The following YEATS2 variants were observed in gnomAD, a reference collection of about 807,000 sequenced individuals.
The protein encoded by YEATS2 is YEATS domain containing 2.
A neutral mutation model predicts 163.2 loss-of-function variants in YEATS2; 77 were observed. The ratio of observed to expected loss-of-function variants is 0.47; its 90% confidence interval spans 0.39 to 0.57. The LOEUF (loss-of-function observed/expected upper bound fraction) is 0.57, where lower values mean the gene tolerates loss of function less well. Ranked by LOEUF, YEATS2 falls within the 20% of genes least tolerant of loss-of-function variation. YEATS2 has a pLI of 0.00. For missense variants in YEATS2, 1,549 were observed against 1,729.8 expected (o/e 0.90, Z 1.85); for synonymous variants, 631 against 645.1 (o/e 0.98, Z 0.33).
rs1243708727 is a variant in YEATS2, at chr3:183,752,258, T to TA, written c.1150+6dup. On this transcript the variant is annotated splice_donor_region_variant and intron_variant, in intron 10 of 30. Coordinates refer to ENST00000305135, the MANE Select transcript of YEATS2 (RefSeq NM_018023.5). The stretch of plus-strand genomic sequence containing the variant: ...CCGATACCTCTGTGGAGAAAGGTAA[T>TA]ACAGCAGTTTTCCTTGCATAGCGTT... 1 of 1,614,112 alleles carries TA rather than the reference T, an allele frequency of 6.2e-7. No homozygotes were observed. The highest frequency in any genetic ancestry group is 1.1e-5 in the South Asian group (1 of 91,080).
intron 7 of YEATS2, among the ~76,000 whole-genome samples, chr3:183,731,225 G>A (rs1027891360): frequency 6.6e-6 from 1 of 151,490 alleles, no homozygotes; most frequent in Non-Finnish European, 1.5e-5. Flanking sequence ...CTTGAACCAG[G>A]GAGTCAAAGG....
chr3:183,771,685 T>C (rs1216587194), intron 15 of YEATS2, among the ~76,000 whole-genome samples: 3 of 149,840 alleles, frequency 2.0e-5, no homozygotes, highest in African/African-American at 7.4e-5. Flanking sequence ...CCTGAATAGC[T>C]GGGACTACAG....
chr3:183,808,221 T>C, intron 29 of YEATS2, 117 bp downstream of exon 29: 1 of 823,872 alleles, frequency 1.2e-6, no homozygotes, highest in Non-Finnish European at 1.9e-6. Context: ...TCTCGTCTTA[T>C]TTGGGCTTAA....
At chr3:183,720,881 C>T (rs529775719) in intron 4 of YEATS2, among the ~76,000 whole-genome samples, 31 of 151,800 alleles carry the variant, frequency 2.0e-4, no homozygotes, top group African/African-American at 7.0e-4. Flanking sequence ...TAGTATTTCC[C>T]GGCTGTAATT....
chr3:183,781,996 TTATATAG>T (rs2108439534), intron 19 of YEATS2, among the ~76,000 whole-genome samples: 1 of 152,358 alleles, frequency 6.6e-6, no homozygotes, highest in East Asian at 1.9e-4. Flanking sequence ...GTCAGTGGAA[TTATATAG>T]TATGTAGTCT....
At position 183,724,455 on chromosome 3, in the gene YEATS2, C is replaced by G. The variant is rs1716853732; in HGVS notation, c.574C>G (p.Gln192Glu). The G allele has an allele frequency of 6.2e-7, 1 of 1,613,406 alleles. No individual in the cohort carries two copies. Among genetic ancestry groups the G allele is most frequent in the African/African-American group, 1.3e-5 (1 of 74,878 alleles). Residue 192 changes from glutamine to glutamate, a missense_variant, in exon 6 of 31, where the codon CAG (glutamine) becomes GAG (glutamate). Gln to Glu is a conservative substitution (Grantham distance 29, BLOSUM62 2). Coordinates refer to ENST00000305135, the MANE Select transcript of YEATS2 (RefSeq NM_018023.5). Reference sequence around the variant, plus strand: ...AATTACTGGCTCCCATAAAACAGAACAGCGGAATGCTGATCTCACAGATGA... The same window carrying G: ...AATTACTGGCTCCCATAAAACAGAAGAGCGGAATGCTGATCTCACAGATGA... ...SRITGSHKTE[Q>E]RNADLTDETS...
At chr3:183,803,231 G>T in intron 25 of YEATS2, 25 bp from the exon 26 acceptor site, 5 of 1,608,982 alleles carry the variant, frequency 3.1e-6, no homozygotes, top group Non-Finnish European at 4.2e-6. Context: ...CTTTATTCAG[G>T]CTTTGCTGGG....
chr3:183,768,979 C>G (rs73040665), intron 15 of YEATS2, among the ~76,000 whole-genome samples: 2,515 of 152,184 alleles, frequency 0.017, 48 homozygotes, highest in African/African-American at 0.058. Context: ...TCTCAAAAAA[C>G]AACAACAAAA....
rs779241812 is a variant in YEATS2 at position 183,756,579 on chromosome 3, C to A, written c.1442C>A (p.Ser481Tyr). ...SPSPLPRTPT[S>Y]TPVHVKQGTA... ...TCACCATTGCCTCGAACCCCGACTTCCACTCCAGTCCACGTGAAGCAAGGC... is the reference window on the plus strand; with the variant it reads ...TCACCATTGCCTCGAACCCCGACTTACACTCCAGTCCACGTGAAGCAAGGC... Residue 481 changes from serine (S) to tyrosine (Y), a missense_variant, in exon 12 of 31, where the codon TCC (serine) becomes TAC (tyrosine). Coordinates refer to ENST00000305135, the MANE Select transcript of YEATS2 (RefSeq NM_018023.5). The A allele has an allele frequency of 1.2e-6, 2 of 1,606,952 alleles. No homozygotes were observed. Among genetic ancestry groups the A allele is most frequent in the South Asian group, 2.3e-5 (2 of 88,806 alleles).
chr3:183,707,547 G>C (rs1714736053), intron 1 of YEATS2, among the ~76,000 whole-genome samples: 1 of 152,118 alleles, frequency 6.6e-6, no homozygotes. Context: ...GTTTACAAAA[G>C]AGAATGTATT....
chr3:183,762,710 T>A (rs146929236), intron 15 of YEATS2, among the ~76,000 whole-genome samples: 1,650 of 152,150 alleles, frequency 0.011, 10 homozygotes, highest in Middle Eastern at 0.037. Flanking sequence ...TTTTTTTTTT[T>A]AATAATTTGG....
intron 8 of YEATS2, among the ~76,000 whole-genome samples, chr3:183,737,817 G>A (rs1718503110): frequency 6.6e-6 from 1 of 152,096 alleles, no homozygotes; most frequent in Admixed American, 6.6e-5. Flanking sequence ...CAGAGTACAG[G>A]CATACTTTGT....
intron 13 of YEATS2, among the ~76,000 whole-genome samples, chr3:183,760,324 T>TTC: frequency 6.8e-6 from 1 of 146,230 alleles, no homozygotes; most frequent in East Asian, 2.0e-4. Context: ...TTTTTTTTTT[T>TTC]TTTTTTTTTT....
intron 8 of YEATS2, among the ~76,000 whole-genome samples, chr3:183,738,315 C>T (rs1441172905): frequency 6.7e-6 from 1 of 149,960 alleles, no homozygotes; most frequent in African/African-American, 2.5e-5. Flanking sequence ...GTGAAAAAAG[C>T]ATGTTGAAAG....
intron 6 of YEATS2, among the ~76,000 whole-genome samples, chr3:183,725,393 C>T (rs1020903787): frequency 6.6e-6 from 1 of 152,184 alleles, no homozygotes; most frequent in Admixed American, 6.5e-5. Flanking sequence ...TACATTCCTG[C>T]ATTTGCCATT....
chr3:183,796,726 C>T (rs115579034), intron 21 of YEATS2, among the ~76,000 whole-genome samples: 4,783 of 151,952 alleles, frequency 0.031, 109 homozygotes, highest in Middle Eastern at 0.061. Context: ...CATCAAAACA[C>T]GGAATTTTAT....
chr3:183,775,421 C>T (rs999918853), intron 17 of YEATS2, among the ~76,000 whole-genome samples: 2 of 151,820 alleles, frequency 1.3e-5, no homozygotes, highest in African/African-American at 2.4e-5. Context: ...CATGGTGAAA[C>T]CCCCTCTCTA....
intron 15 of YEATS2, among the ~76,000 whole-genome samples, chr3:183,770,477 G>T (rs570283956): frequency 3.2e-4 from 49 of 152,056 alleles, no homozygotes; most frequent in Admixed American, 6.6e-4. Flanking sequence ...TTAAAATTTA[G>T]AAATACTCTA....
chr3:183,756,050 A>C (rs1362421929), intron 11 of YEATS2, among the ~76,000 whole-genome samples: 1 of 152,098 alleles, frequency 6.6e-6, no homozygotes, highest in African/African-American at 2.4e-5. Context: ...CTGGTGTCTC[A>C]TGCCCGGTCT....
Sources: gnomAD v4.1 joint callset for allele counts (sites outside exome capture counted in the v4.1 genomes callset) on GRCh38, gnomAD v4.1.1 for gene constraint, MANE v1.5 for transcripts, NCBI Gene and HGNC (gene_info 2026-07-23, HGNC 2026-07-21) for gene names.